SRGAP2C: variants seen among roughly 807,000 people sequenced by gnomAD.
SRGAP2C encodes SLIT-ROBO Rho GTPase-activating protein 2C.
In SRGAP2C, 15 loss-of-function variants were observed where a neutral mutation model predicts 25.1. The observed-to-expected ratio is 0.60, with a 90% CI of 0.40 to 0.92. SRGAP2C has a LOEUF of 0.92. Ranked by LOEUF, SRGAP2C falls within the 40% of genes least tolerant of loss-of-function variation. The pLI, the probability that SRGAP2C is intolerant of heterozygous loss-of-function variation, is 0.00. For synonymous variants in SRGAP2C, 44 were observed against 96.6 expected (o/e 0.46, Z 3.19); for missense variants, 144 against 264.4 (o/e 0.54, Z 3.16).
chr1:121,305,970 G>A (rs1203962240), intron 3 of SRGAP2C, among the ~76,000 whole-genome samples: 1 of 152,102 alleles, frequency 6.6e-6, no homozygotes, highest in South Asian at 2.1e-4. Context: ...CATCAGGATG[G>A]GACTGTGTTG....
chr1:121,304,124 T>TG (rs2101588150), intron 3 of SRGAP2C, among the ~76,000 whole-genome samples: 1 of 145,112 alleles, frequency 6.9e-6, no homozygotes, highest in South Asian at 2.2e-4. Flanking sequence ...GGCAGGAGAA[T>TG]GGGGTGAACC....
At chr1:121,296,243 A>G (rs1333582343) in intron 3 of SRGAP2C, among the ~76,000 whole-genome samples, 1 of 152,166 alleles carries the variant, frequency 6.6e-6, no homozygotes, top group East Asian at 1.9e-4. Context: ...GGCTGTTGGT[A>G]GAGATTTGCA....
chr1:121,327,198 GA>G (rs1658333911), intron 4 of SRGAP2C, among the ~76,000 whole-genome samples: 1 of 135,456 alleles, frequency 7.4e-6, no homozygotes, highest in African/African-American at 2.8e-5. Context: ...GTCAAGGTGG[GA>G]AAATGCTTGA....
chr1:121,270,780 T>A lies in SRGAP2C; in HGVS notation c.68-14023T>A, dbSNP rs1448161702. On this transcript the variant is annotated intron_variant, in intron 2 of 9. Coordinates refer to ENST00000367123, the MANE Select transcript of SRGAP2C (RefSeq NM_001329984.2). ...ATTTATCTTTGAATATTTCAATATT[T>A]AAGAGATAAGGAGGTTTTTTTTTTT... 2.8e-5 allele frequency among the ~76,000 whole-genome samples: 4 copies of A among 145,430 alleles called. No homozygotes were observed. The East Asian group carries it at 7.9e-4, about 29-fold the overall frequency.
chr1:121,265,779 A>G (rs189523520), intron 2 of SRGAP2C, among the ~76,000 whole-genome samples: 2 of 151,972 alleles, frequency 1.3e-5, no homozygotes, highest in African/African-American at 4.8e-5. Flanking sequence ...GGATATGTTT[A>G]TCTCTATATC....
At chr1:121,265,887 C>T (rs1374031309) in intron 2 of SRGAP2C, among the ~76,000 whole-genome samples, 3 of 151,706 alleles carry the variant, frequency 2.0e-5, no homozygotes, top group African/African-American at 7.3e-5. Context: ...AATTGGATGG[C>T]TTGGTACTGT....
At chr1:121,218,754 G>GA (rs1306326982) in intron 2 of SRGAP2C, among the ~76,000 whole-genome samples, 12 of 150,470 alleles carry the variant, frequency 8.0e-5, no homozygotes, top group Non-Finnish European at 1.3e-4. Context: ...CTCAGAGGGG[G>GA]AAAAAAAAAG....
At chr1:121,329,670 G>A (rs1176266286) in intron 4 of SRGAP2C, among the ~76,000 whole-genome samples, 1 of 144,404 alleles carries the variant, frequency 6.9e-6, no homozygotes, top group Non-Finnish European at 1.5e-5. Context: ...CTGCACAATT[G>A]GCCCCTCTAT....
chr1:121,383,214 C>T (rs1231877414), intron 8 of SRGAP2C, among the ~76,000 whole-genome samples: 12 of 147,828 alleles, frequency 8.1e-5, no homozygotes, highest in Non-Finnish European at 1.8e-4. Context: ...AGAGGGGTAT[C>T]CAAAGGGGCC....
At chr1:121,365,653 C>T (rs61805723) in intron 5 of SRGAP2C, among the ~76,000 whole-genome samples, 3 of 92,500 alleles carry the variant, frequency 3.2e-5, no homozygotes, top group Non-Finnish European at 7.0e-5. Context: ...CAATGGACCC[C>T]GTTAGCAGCA....
chr1:121,266,061 G>A (rs1367898969), intron 2 of SRGAP2C, among the ~76,000 whole-genome samples: 1 of 151,818 alleles, frequency 6.6e-6, no homozygotes, highest in African/African-American at 2.4e-5. Flanking sequence ...TGCAACCTTT[G>A]CATCCTGGGT....
intron 2 of SRGAP2C, among the ~76,000 whole-genome samples, chr1:121,207,342 T>A (rs1655138722): frequency 6.6e-6 from 1 of 151,344 alleles, no homozygotes; most frequent in Admixed American, 6.6e-5. Flanking sequence ...TGAGCTGCCT[T>A]GCTCCGAGTT....
intron 2 of SRGAP2C, among the ~76,000 whole-genome samples, chr1:121,233,227 G>A (rs1385216628): frequency 2.1e-5 from 2 of 94,312 alleles, no homozygotes; most frequent in Non-Finnish European, 4.4e-5. Context: ...GCTCATTGCA[G>A]CCTCCGCCTC....
At chr1:121,338,803 C>T (rs1658579201) in intron 4 of SRGAP2C, among the ~76,000 whole-genome samples, 2 of 140,176 alleles carry the variant, frequency 1.4e-5, no homozygotes, top group African/African-American at 5.3e-5. Context: ...TGAGAAGTAA[C>T]ATCTTCTATT....
intron 4 of SRGAP2C, among the ~76,000 whole-genome samples, chr1:121,354,259 CTCCTTTCTTTCTTTCTTTCT>C (rs1658993825): frequency 7.8e-5 from 2 of 25,506 alleles, no homozygotes; most frequent in Admixed American, 4.3e-4. Context: ...TTCTTTCTCT[CTCCTTTCTTTCTTTCTTTCT>C]TTCTTTCTTT....
chr1:121,282,608 G>A (rs1423553989), intron 2 of SRGAP2C, among the ~76,000 whole-genome samples: 2 of 151,928 alleles, frequency 1.3e-5, no homozygotes, highest in African/African-American at 4.8e-5. Context: ...AGGCTGGAGT[G>A]CAGTGGTGCG....
chr1:121,207,529 A>G lies in SRGAP2C; in HGVS notation c.67+20016A>G, dbSNP rs587657640. ...AGGCTGAGTTCAGCAAAACATGACT[A>G]GGTGGTGCTGGTGCTGTTTCAGGGT... On this transcript the variant is annotated intron_variant, in intron 2 of 9. Coordinates refer to ENST00000367123, the MANE Select transcript of SRGAP2C (RefSeq NM_001329984.2). Among the ~76,000 whole-genome samples the G allele has an allele frequency of 2.1e-3, 315 of 152,244 alleles. 1 individual carries two copies. The highest frequency in any genetic ancestry group is 7.3e-3 in the African/African-American group (302 of 41,526).
intron 2 of SRGAP2C, among the ~76,000 whole-genome samples, chr1:121,211,458 C>CACACACACAT (rs1553323708): frequency 6.1e-4 from 85 of 139,242 alleles, no homozygotes; most frequent in Admixed American, 8.0e-4. Context: ...CACACACACA[C>CACACACACAT]ACATCTTACC....
chr1:121,259,128 TTG>T (rs1656550464), intron 2 of SRGAP2C, among the ~76,000 whole-genome samples: 1 of 124,140 alleles, frequency 8.1e-6, no homozygotes, highest in Non-Finnish European at 1.7e-5. Context: ...AGTTTGACCA[TTG>T]TAATGCTGTC....
Sources: allele counts gnomAD v4.1 joint callset (sites outside exome capture counted in the v4.1 genomes callset), GRCh38; gene constraint gnomAD v4.1.1; transcripts MANE v1.5; gene names NCBI Gene and HGNC (gene_info 2026-07-23, HGNC 2026-07-21).